The following SYNE2 variants were observed in gnomAD, a reference collection of about 807,000 sequenced individuals.
The protein encoded by SYNE2 is spectrin repeat containing nuclear envelope protein 2, also known as nesprin-2.
A neutral mutation model predicts 856.3 loss-of-function variants in SYNE2; 431 were observed. That is an observed-to-expected ratio of 0.50 (90% confidence interval 0.47 to 0.55). SYNE2 has a LOEUF of 0.55. Ranked by LOEUF, SYNE2 falls within the 20% of genes least tolerant of loss-of-function variation. The pLI, the probability that SYNE2 is intolerant of heterozygous loss-of-function variation, is 0.00. For missense variants in SYNE2, 8,129 were observed against 8,023.2 expected, an observed-to-expected ratio of 1.01 and a Z score of -0.50; for synonymous variants, 2,923 against 2,872.3, an observed-to-expected ratio of 1.02 and a Z score of -0.56.
intron 14 of SYNE2, among the ~76,000 whole-genome samples, chr14:63,979,680 A>G (rs2096571044): frequency 6.6e-6 from 1 of 152,252 alleles, no homozygotes; most frequent in Admixed American, 6.5e-5. Flanking sequence ...TGGGAGGCCA[A>G]GGCAGGTGGA....
chr14:64,098,164 T>C lies in SYNE2; in HGVS notation c.12306+18T>C. The C allele has an allele frequency of 6.2e-7, 1 of 1,612,810 alleles. No homozygotes were observed. Among genetic ancestry groups the C allele is most frequent in the Non-Finnish European group, 8.5e-7 (1 of 1,179,500 alleles). ...AGCGGAAGGTGGGTATGACTTTAGG[T>C]TAATGCTGGCCCCACACTCCACAAG... On this transcript the variant is annotated intron_variant, in intron 62 of 115. Transcript: ENST00000555002.
intron 70 of SYNE2, among the ~76,000 whole-genome samples, 182 bp from the exon 71 acceptor site, chr14:64,124,897 G>A (rs2097926648): frequency 6.6e-6 from 1 of 152,142 alleles, no homozygotes; most frequent in Non-Finnish European, 1.5e-5. Flanking sequence ...CAGCTACTCG[G>A]GAGGCTGAGG....
chr14:64,177,229 T>G, intron 95 of SYNE2, 129 bp from the exon 96 acceptor site: 3 of 1,153,410 alleles, frequency 2.6e-6, no homozygotes, highest in Non-Finnish European at 2.5e-6. Context: ...GACAGGGAAC[T>G]GGGTGTCTGT....
chr14:64,202,544 C>A (rs2098578358), intron 99 of SYNE2, among the ~76,000 whole-genome samples: 1 of 152,164 alleles, frequency 6.6e-6, no homozygotes, highest in African/African-American at 2.4e-5. Flanking sequence ...GATAGGACTT[C>A]CATTTGCATG....
chr14:64,099,136 G>T (rs558111823), intron 63 of SYNE2: 14 of 362,472 alleles, frequency 3.9e-5, no homozygotes, highest in Non-Finnish European at 6.8e-5. Context: ...TGGCACTCCT[G>T]GTCTCATTTT....
At chr14:63,950,034 A>T in intron 7 of SYNE2, 28 bp downstream of exon 7, 1 of 1,612,784 alleles carries the variant, frequency 6.2e-7, no homozygotes, top group South Asian at 1.1e-5. Context: ...ACCCTAAGAG[A>T]CACACAGGGC....
intron 61 of SYNE2, among the ~76,000 whole-genome samples, chr14:64,096,666 T>A (rs1567283917): frequency 3.9e-5 from 6 of 152,152 alleles, no homozygotes; most frequent in Admixed American, 3.9e-4. Flanking sequence ...AGAATAGGGG[T>A]ATTGGCATAG....
chr14:63,894,464 C>T (rs1272046192), intron 1 of SYNE2, among the ~76,000 whole-genome samples: 1 of 152,072 alleles, frequency 6.6e-6, no homozygotes, highest in East Asian at 1.9e-4. Flanking sequence ...TCAGGGGATC[C>T]TCCTGCCGTG....
intron 32 of SYNE2, among the ~76,000 whole-genome samples, chr14:64,012,656 G>C (rs548955735): frequency 6.6e-6 from 1 of 152,250 alleles, no homozygotes; most frequent in East Asian, 1.9e-4. Flanking sequence ...ATTAAAATGA[G>C]AATTGTACCT....
At chr14:64,134,873 G>C (rs2098070007) in intron 78 of SYNE2, among the ~76,000 whole-genome samples, 1 of 152,004 alleles carries the variant, frequency 6.6e-6, no homozygotes, top group Admixed American at 6.6e-5. Flanking sequence ...TGTAATCCCA[G>C]TTACTTGGGA....
chr14:64,130,135 T>C lies in SYNE2; in HGVS notation c.14227T>C (p.Leu4743=), dbSNP rs201872454. ...PFVTESQQDA[L]LQGMVELVKI... Reference sequence around the variant, plus strand: ...CGTCACTGAGAGCCAGCAAGATGCTTTGTTGCAAGGCATGGTGGAACTGGT... The same window carrying C: ...CGTCACTGAGAGCCAGCAAGATGCTCTGTTGCAAGGCATGGTGGAACTGGT... The change falls in exon 76 of 116, where the codon TTG becomes CTG. Residue 4743 remains leucine (L), a synonymous_variant. Coordinates refer to ENST00000555002, the MANE Select transcript of SYNE2 (RefSeq NM_182914.3). 2.0e-5 allele frequency: 33 copies of C among 1,614,138 alleles called. No individual in the cohort carries two copies. The Middle Eastern group carries it at 4.9e-4, about 24-fold the overall frequency.
chr14:64,069,047 G>A (rs776465872), intron 51 of SYNE2, among the ~76,000 whole-genome samples: 1 of 152,074 alleles, frequency 6.6e-6, no homozygotes, highest in African/African-American at 2.4e-5. Context: ...AAAGGTCTGA[G>A]CCTTTATTCT....
chr14:64,196,665 A>T (rs969485005), intron 99 of SYNE2: 1 of 152,160 alleles, frequency 6.6e-6, no homozygotes, highest in African/African-American at 2.4e-5. Flanking sequence ...GAGGACAGAA[A>T]TCCTCTTTTG....
At chr14:64,142,183 C>A in intron 82 of SYNE2, 95 bp downstream of exon 82, 1 of 1,439,354 alleles carries the variant, frequency 6.9e-7, no homozygotes, top group Non-Finnish European at 9.6e-7. Flanking sequence ...GATATAATTT[C>A]AAAAAACTAA....
At chr14:63,945,593 C>T (rs1486399434) in intron 6 of SYNE2, among the ~76,000 whole-genome samples, 2 of 151,932 alleles carry the variant, frequency 1.3e-5, no homozygotes, top group East Asian at 3.8e-4. Context: ...CTTTTGCTGC[C>T]AGTTTTTTTA....
chr14:64,131,660 T>C (rs1959008), intron 76 of SYNE2, among the ~76,000 whole-genome samples: 13,760 of 152,090 alleles, frequency 0.09, 835 homozygotes, highest in East Asian at 0.27. Context: ...TAGCTCATTG[T>C]AGCCTCGAGA....
At position 63,980,691 on chromosome 14, in the gene SYNE2, A is replaced by G; in HGVS notation, c.1607A>G (p.Asp536Gly). Residue 536 changes from aspartate to glycine, a missense_variant, in exon 15 of 116, where the codon GAT becomes GGT. Asp to Gly is a moderately conservative substitution (Grantham distance 94, BLOSUM62 -1). This residue lies in a region of SYNE2 where 2,422 missense variants were observed against 2,357.4 expected (regional missense o/e 1.03). Transcript: ENST00000555002. ...GAAAAAGAATTCCTAGCTCGACTTG[A>G]TACTTCTTTTCAAAAATGTGGAGAA... Reference protein sequence around the residue: ...IEEKEFLARLDTSFQKCGEIY... With the variant: ...IEEKEFLARLGTSFQKCGEIY... 3 of 1,607,582 alleles carry G rather than the reference A, an allele frequency of 1.9e-6. No homozygotes were observed. Among genetic ancestry groups the G allele is most frequent in the Non-Finnish European group, 2.6e-6 (3 of 1,174,416 alleles).
chr14:64,219,474 G>A (rs2098684222), intron 110 of SYNE2, 64 bp downstream of exon 110: 1 of 1,531,490 alleles, frequency 6.5e-7, no homozygotes. Flanking sequence ...TTGCTATGCT[G>A]GACGAGCAGA....
At chr14:64,148,976 C>CTT (rs59999990) in intron 84 of SYNE2, among the ~76,000 whole-genome samples, 7 of 141,620 alleles carry the variant, frequency 4.9e-5, no homozygotes, top group Admixed American at 1.4e-4. Context: ...GTTAATTTCT[C>CTT]TTTTTTTTTT....
Sources: allele counts gnomAD v4.1 joint callset (sites outside exome capture counted in the v4.1 genomes callset), GRCh38; gene constraint gnomAD v4.1.1; regional missense constraint gnomAD v4.1.1; transcripts MANE v1.5; gene names NCBI Gene and HGNC (gene_info 2026-07-23, HGNC 2026-07-21).